ADAMTSL1: variants seen among roughly 807,000 people sequenced by gnomAD.
The protein encoded by ADAMTSL1 is ADAMTS like 1.
A neutral mutation model predicts 201.8 loss-of-function variants in ADAMTSL1; 126 were observed. The observed-to-expected ratio is 0.62, with a 90% CI of 0.54 to 0.72. The LOEUF is 0.72. Ranked by LOEUF, ADAMTSL1 falls within the 30% of genes least tolerant of loss-of-function variation. ADAMTSL1 has a pLI of 0.00. For synonymous variants in ADAMTSL1, 1,121 were observed against 903.4 expected (o/e 1.24, Z -4.32); for missense variants, 2,679 against 2,277.8 (o/e 1.18, Z -3.59).
At chr9:18,369,166 G>A (rs111732909) in intron 2 of ADAMTSL1, among the ~76,000 whole-genome samples, 448 of 152,256 alleles carry the variant, frequency 2.9e-3, no homozygotes, top group Non-Finnish European at 5.4e-3. Flanking sequence ...TTTAAGAAAA[G>A]CTCATACTTC....
intron 2 of ADAMTSL1, among the ~76,000 whole-genome samples, chr9:18,419,976 C>T (rs1244505112): frequency 6.6e-6 from 1 of 152,086 alleles, no homozygotes; most frequent in Non-Finnish European, 1.5e-5. Context: ...GATCCACCCG[C>T]CTCGGCCTTC....
intron 14 of ADAMTSL1, among the ~76,000 whole-genome samples, chr9:18,716,806 T>C (rs200746624): frequency 1.4e-5 from 2 of 140,404 alleles, no homozygotes; most frequent in African/African-American, 5.3e-5. Context: ...TATTGCGGCA[T>C]TATTCACAAT....
At chr9:18,074,485 T>TCTTTA (rs1823109081) in intron 1 of ADAMTSL1, among the ~76,000 whole-genome samples, 1 of 87,054 alleles carries the variant, frequency 1.1e-5, no homozygotes, top group African/African-American at 4.9e-5. Context: ...TCTTTTCTTT[T>TCTTTA]CTTTTCTTTT....
intron 3 of ADAMTSL1, among the ~76,000 whole-genome samples, chr9:18,538,508 A>T (rs1046095193): frequency 6.6e-6 from 1 of 152,110 alleles, no homozygotes; most frequent in Non-Finnish European, 1.5e-5. Flanking sequence ...GCTATACTAG[A>T]TTTGGATCTG....
chr9:18,575,685 T>A (rs910747655), intron 4 of ADAMTSL1, among the ~76,000 whole-genome samples: 2 of 152,164 alleles, frequency 1.3e-5, no homozygotes, highest in Non-Finnish European at 2.9e-5. Flanking sequence ...GTATGTATAC[T>A]GTTTGAGTAA....
chr9:18,318,822 AG>A (rs1235030347), intron 2 of ADAMTSL1, among the ~76,000 whole-genome samples: 1 of 152,198 alleles, frequency 6.6e-6, no homozygotes, highest in African/African-American at 2.4e-5. Context: ...GTGTATTTAA[AG>A]GATATTATAT....
rs556560643 is a variant in ADAMTSL1, at chr9:18,029,533, C to A, written c.87+122611C>A. ...CACCAAAAGCAATGGCAACAAAAGC[C>A]AGAATTGACAAATGGGATCTCATTA... is the stretch of plus-strand genomic sequence containing the variant. On this transcript the variant is annotated intron_variant, in intron 1 of 29. Transcript: ENST00000680146. Among the ~76,000 whole-genome samples, 737 of 152,208 alleles carry A rather than the reference C, an allele frequency of 4.8e-3. 7 individuals are homozygous for A. Among genetic ancestry groups the A allele is most frequent in the African/African-American group, 0.017 (702 of 41,524 alleles).
intron 2 of ADAMTSL1, among the ~76,000 whole-genome samples, chr9:18,519,725 CA>C (rs1328778062): frequency 6.6e-6 from 1 of 152,188 alleles, no homozygotes; most frequent in African/African-American, 2.4e-5. Context: ...AAACATTATA[CA>C]AAAAGCGTGT....
intron 11 of ADAMTSL1, chr9:18,681,500 C>T (rs1830466409): frequency 1.1e-5 from 2 of 179,340 alleles, no homozygotes; most frequent in Non-Finnish European, 2.3e-5. Flanking sequence ...TCTACAGTCT[C>T]TTTTCTCCTT....
At chr9:17,976,342 C>T (rs200822068) in intron 1 of ADAMTSL1, among the ~76,000 whole-genome samples, 1 of 151,856 alleles carries the variant, frequency 6.6e-6, no homozygotes, top group African/African-American at 2.4e-5. Context: ...AGTATTAAGT[C>T]TTCCAATTCG....
intron 2 of ADAMTSL1, among the ~76,000 whole-genome samples, chr9:18,344,406 C>T (rs1238289213): frequency 6.6e-6 from 1 of 152,014 alleles, no homozygotes; most frequent in Admixed American, 6.6e-5. Flanking sequence ...ATCCTTCTGC[C>T]TCTGCGTTCC....
chr9:18,076,046 G>A (rs1823209774), intron 1 of ADAMTSL1, among the ~76,000 whole-genome samples: 1 of 152,142 alleles, frequency 6.6e-6, no homozygotes, highest in Admixed American at 6.6e-5. Flanking sequence ...CAAGAATGAG[G>A]ATATTAGTTT....
At chr9:18,851,808 T>C (rs1239564556) in intron 23 of ADAMTSL1, among the ~76,000 whole-genome samples, 1 of 152,210 alleles carries the variant, frequency 6.6e-6, no homozygotes, top group Admixed American at 6.5e-5. Flanking sequence ...AGTCAAACTT[T>C]CCTAGAGGAA....
At chr9:18,042,915 C>T (rs1821490779) in intron 1 of ADAMTSL1, among the ~76,000 whole-genome samples, 1 of 151,966 alleles carries the variant, frequency 6.6e-6, no homozygotes, top group Non-Finnish European at 1.5e-5. Context: ...ATTTGCCATC[C>T]AGGAAAAAAT....
chr9:18,036,003 A>T (rs963456201), intron 1 of ADAMTSL1, among the ~76,000 whole-genome samples: 18 of 152,166 alleles, frequency 1.2e-4, no homozygotes, highest in African/African-American at 4.3e-4. Context: ...CACCAACATT[A>T]CAATAAAATG....
At position 18,908,867 on chromosome 9, in the gene ADAMTSL1, A is replaced by T. The variant is rs1445584115; in HGVS notation, c.*319A>T. On this transcript the variant is annotated 3_prime_UTR_variant, in exon 29 of 29. Transcript: ENST00000380548. Reference sequence around the variant, plus strand: ...ACCTGGGTCTCAAAGACCTAGAAAGAGGCAGGCACAGCCCCTGCGGACAGC... The same window carrying T: ...ACCTGGGTCTCAAAGACCTAGAAAGTGGCAGGCACAGCCCCTGCGGACAGC... 1 of 254,226 alleles carries T rather than the reference A, an allele frequency of 3.9e-6. No homozygotes were observed. Among genetic ancestry groups the T allele is most frequent in the Non-Finnish European group, 7.5e-6 (1 of 132,892 alleles). 15.7% of individuals were successfully genotyped at this position (254,226 alleles called of 1,614,324 possible).
At chr9:18,898,032 A>C (rs1829762749) in intron 26 of ADAMTSL1, among the ~76,000 whole-genome samples, 1 of 152,010 alleles carries the variant, frequency 6.6e-6, no homozygotes, top group Non-Finnish European at 1.5e-5. Context: ...CAAAAAAAAA[A>C]AAAAAAGTTA....
intron 2 of ADAMTSL1, among the ~76,000 whole-genome samples, chr9:18,211,741 T>G (rs1201925684): frequency 6.6e-6 from 1 of 152,226 alleles, no homozygotes; most frequent in East Asian, 1.9e-4. Context: ...ACCTTCCATG[T>G]AATTTTATAT....
intron 1 of ADAMTSL1, among the ~76,000 whole-genome samples, chr9:17,961,849 C>G (rs1423013777): frequency 2.6e-5 from 4 of 152,110 alleles, no homozygotes; most frequent in Non-Finnish European, 4.4e-5. Context: ...CACCACAGCT[C>G]TAGCACCTCC....
Sources: allele counts gnomAD v4.1 joint callset (sites outside exome capture counted in the v4.1 genomes callset), GRCh38; gene constraint gnomAD v4.1.1; transcripts MANE v1.5; gene names NCBI Gene and HGNC (gene_info 2026-07-23, HGNC 2026-07-21).